Variants in LYST observed in about 807,000 individuals in gnomAD.
LYST encodes lysosomal-trafficking regulator.
In LYST, 192 loss-of-function variants were observed where a neutral mutation model predicts 413.6. The ratio of observed to expected loss-of-function variants is 0.46; its 90% CI spans 0.41 to 0.52. The LOEUF (loss-of-function observed/expected upper bound fraction) is 0.52, where lower values mean the gene tolerates loss of function less well. Ranked by LOEUF, LYST falls within the 20% of genes least tolerant of loss-of-function variation. The pLI is 0.00. For synonymous variants in LYST, 1,525 were observed against 1,567.3 expected (o/e 0.97, Z 0.64); for missense variants, 3,815 against 4,499.9 (o/e 0.85, Z 4.35).
chr1:235,669,234 C>A (rs997351548), intron 50 of LYST, among the ~76,000 whole-genome samples: 3 of 152,182 alleles, frequency 2.0e-5, no homozygotes, highest in African/African-American at 7.2e-5. Flanking sequence ...TGATTGAGGA[C>A]TGAAACTTCC....
At chr1:235,781,647 G>A (rs1208433286) in intron 15 of LYST, among the ~76,000 whole-genome samples, 3 of 151,812 alleles carry the variant, frequency 2.0e-5, no homozygotes, top group Non-Finnish European at 2.9e-5. Context: ...TCTTTTTTGA[G>A]GATGGAAGAA....
Position 235,866,159 on chromosome 1 carries a change from T to C in LYST, c.-98+684A>G, listed in dbSNP as rs1680477956. On this transcript the variant is annotated intron_variant, in intron 1 of 52. Transcript: ENST00000389793. ...GGTACCGGGGTCTTCTCGGGTAATT[T>C]CCCAGCTTATTTAACTCATCAGAAG... 1.3e-5 allele frequency among the ~76,000 whole-genome samples: 2 copies of C among 152,158 alleles called. 1 individual carries two copies. The highest frequency in any genetic ancestry group is 4.1e-4 in the South Asian group (2 of 4,830).
At chr1:235,694,311 A>C (rs1572013774) in intron 46 of LYST, among the ~76,000 whole-genome samples, 2 of 151,950 alleles carry the variant, frequency 1.3e-5, no homozygotes, top group African/African-American at 2.4e-5. Context: ...CACTGTGCCC[A>C]GCCCTCTCTC....
chr1:235,787,007 C>CTGTGCACATG (rs973170631), intron 14 of LYST, 193 bp downstream of exon 14: 3 of 463,798 alleles, frequency 6.5e-6, no homozygotes, highest in African/African-American at 4.0e-5. Flanking sequence ...TGTAACAAAC[C>CTGTGCACATG]TGCACATTGT....
intron 50 of LYST, among the ~76,000 whole-genome samples, chr1:235,667,841 T>G (rs1658621326): frequency 6.6e-6 from 1 of 152,032 alleles, no homozygotes; most frequent in South Asian, 2.1e-4. Context: ...TTTTTGAATT[T>G]TTAGTAGAGA....
rs7555445 is a variant in LYST, at chr1:235,865,355, A to G, written c.-98+1488T>C. Among the ~76,000 whole-genome samples the G allele has an allele frequency of 2.3e-3, 344 of 152,110 alleles. 3 individuals are homozygous for G. The highest frequency in any genetic ancestry group is 7.9e-3 in the African/African-American group (326 of 41,476). ...TCCCTCTTCCGTGCTTTTTCTCTGT[A>G]GTACTTAACACCATCTGACACAGCA... On this transcript the variant is annotated intron_variant, in intron 1 of 52. Coordinates refer to ENST00000389793, the MANE Select transcript of LYST (RefSeq NM_000081.4).
chr1:235,680,907 A>G (rs1407368354), intron 48 of LYST, among the ~76,000 whole-genome samples: 1 of 152,138 alleles, frequency 6.6e-6, no homozygotes, highest in Non-Finnish European at 1.5e-5. Context: ...CCTACAAGTG[A>G]TTTTCATATT....
intron 19 of LYST, among the ~76,000 whole-genome samples, chr1:235,772,726 A>T (rs2103430612): frequency 6.6e-6 from 1 of 152,270 alleles, no homozygotes; most frequent in African/African-American, 2.4e-5. Context: ...TCCCCTAGTT[A>T]GAAGTGTATC....
chr1:235,809,429 G>A lies in LYST; in HGVS notation c.1389C>T (p.Pro463=), dbSNP rs762101850. 4.3e-6 allele frequency: 7 copies of A among 1,613,678 alleles called. No individual in the cohort carries two copies. The highest frequency in any genetic ancestry group is 3.3e-5 in the Admixed American group (2 of 59,952). The change falls in exon 5 of 53, where the codon CCC becomes CCT. Residue 463 remains proline (P), a synonymous_variant. Coordinates refer to ENST00000389793, the MANE Select transcript of LYST (RefSeq NM_000081.4). The surrounding 1 kb of genome is among the most constrained non-coding windows in gnomAD (Gnocchi z 4.0). ...GGGCTTTCAAATGCTCTGAGGCCTC[G>A]GGAGGAACTCCATCTCTTAAAACCA... is the stretch of plus-strand genomic sequence containing the variant. ...EWLVLRDGVP[P]EASEHLKALI...
chr1:235,726,091 C>T (rs1329791869), intron 38 of LYST, among the ~76,000 whole-genome samples: 2 of 152,138 alleles, frequency 1.3e-5, no homozygotes, highest in Non-Finnish European at 2.9e-5. Flanking sequence ...CTCCTCAAAT[C>T]AACCTGCATC....
intron 1 of LYST, among the ~76,000 whole-genome samples, chr1:235,881,353 C>T (rs913086586): frequency 6.6e-6 from 1 of 152,138 alleles, no homozygotes; most frequent in Admixed American, 6.5e-5. Context: ...AAAATTACTC[C>T]TTGGAAGTTT....
chr1:235,771,917 GT>G (rs1215590592), intron 19 of LYST, among the ~76,000 whole-genome samples: 8,444 of 73,270 alleles, frequency 0.12, 71 homozygotes, highest in African/African-American at 0.19. Flanking sequence ...TTTTTAGTTT[GT>G]TTTTTTTTTT....
At chr1:235,856,384 G>A (rs1031074193) in intron 1 of LYST, among the ~76,000 whole-genome samples, 3 of 152,118 alleles carry the variant, frequency 2.0e-5, no homozygotes, top group African/African-American at 7.2e-5. Flanking sequence ...GTTTTGCCTT[G>A]TTCTCTTTAG....
rs201657364 is a variant in LYST at position 235,731,164 on chromosome 1, C to T, written c.8815G>A (p.Asp2939Asn). 4.3e-6 allele frequency: 7 copies of T among 1,613,998 alleles called. No individual in the cohort carries two copies. Among genetic ancestry groups the T allele is most frequent in the African/African-American group, 2.7e-5 (2 of 74,976 alleles). The change falls in exon 35 of 53, where the codon GAC becomes AAC. Residue 2939 changes from aspartate (D) to asparagine (N), a missense_variant. Asp to Asn is a conservative substitution (Grantham distance 23). Coordinates refer to ENST00000389793, the MANE Select transcript of LYST (RefSeq NM_000081.4). ...CATGAGGTTGGATAGTAGATGGGGT[C>T]ATACCATACTGCTCTGCAAGTAAAA... Reference protein sequence around the residue: ...QLTHDRAVWYDPIYYPTSWQL... With the variant: ...QLTHDRAVWYNPIYYPTSWQL...
At chr1:235,781,653 A>C (rs910403323) in intron 15 of LYST, among the ~76,000 whole-genome samples, 5 of 152,118 alleles carry the variant, frequency 3.3e-5, no homozygotes, top group Non-Finnish European at 7.4e-5. Flanking sequence ...TTGAGGATGG[A>C]AGAAATACAT....
In LYST at chr1:235,804,377, C is replaced by T. The variant is rs1672576164; in HGVS notation, c.3555+127G>A. ...ATCCATCACGAGGAGATAAGATCCA[C>T]TGAACTCATCTGACCAAGTCCTAGT... On this transcript the variant is annotated intron_variant, in intron 7 of 52. Transcript: ENST00000389793. 6 of 770,734 alleles carry T rather than the reference C, an allele frequency of 7.8e-6. No homozygotes were observed. The South Asian group carries it at 8.5e-5, about 11-fold the overall frequency. 47.7% of individuals were successfully genotyped at this position (770,734 alleles called of 1,614,324 possible).
At chr1:235,748,047 TAAAG>T (rs1666095797) in intron 28 of LYST, among the ~76,000 whole-genome samples, 1 of 152,316 alleles carries the variant, frequency 6.6e-6, no homozygotes, top group African/African-American at 2.4e-5. Flanking sequence ...AATAAACGGA[TAAAG>T]AAAGAGTTGT....
intron 38 of LYST, among the ~76,000 whole-genome samples, chr1:235,725,544 C>T (rs1321510972): frequency 6.6e-6 from 1 of 152,172 alleles, no homozygotes; most frequent in African/African-American, 2.4e-5. Context: ...TCTGAGAATT[C>T]ATAACTGTGG....
chr1:235,782,180 CTT>C (rs552690643), intron 14 of LYST, 93 bp from the exon 15 acceptor site: 23,301 of 771,020 alleles, frequency 0.03, no homozygotes, highest in Middle Eastern at 0.037. Flanking sequence ...ATGGGGAATT[CTT>C]TTTTTTTTTT....
Sources: gnomAD v4.1 joint callset for allele counts (sites outside exome capture counted in the v4.1 genomes callset) on GRCh38, gnomAD v4.1.1 for gene constraint, Gnocchi (gnomAD v3.1) non-coding constraint, MANE v1.5 for transcripts, NCBI Gene and HGNC (gene_info 2026-07-23, HGNC 2026-07-21) for gene names.